The following MYO16 variants were observed in gnomAD, a reference collection of about 807,000 sequenced individuals.
MYO16 encodes myosin XVI, also known as unconventional myosin-XVI.
A neutral mutation model predicts 205.3 loss-of-function variants in MYO16; 94 were observed. That is an observed-to-expected ratio of 0.46 (90% CI 0.39 to 0.54). The LOEUF (loss-of-function observed/expected upper bound fraction) is 0.54, where lower values mean the gene tolerates loss of function less well. Among genes scored for constraint, MYO16 ranks in the 20% least tolerant of loss-of-function variants. MYO16 has a pLI of 0.00. For synonymous variants in MYO16, 988 were observed against 954.0 expected, an observed-to-expected ratio of 1.04 and a Z score of -0.66; for missense variants, 2,315 against 2,387.5, an observed-to-expected ratio of 0.97 and a Z score of 0.63.
chr13:108,880,239 T>G (rs1346361663), intron 12 of MYO16, among the ~76,000 whole-genome samples: 1 of 152,238 alleles, frequency 6.6e-6, no homozygotes, highest in Non-Finnish European at 1.5e-5. Context: ...TTTGTTTGAA[T>G]TCTTTGTAGA....
At chr13:108,695,128 T>C (rs72664997) in intron 2 of MYO16, among the ~76,000 whole-genome samples, 4,944 of 152,250 alleles carry the variant, frequency 0.032, 137 homozygotes, top group Non-Finnish European at 0.047. Flanking sequence ...ACAAACAAAC[T>C]AAAAACAGAG....
chr13:108,959,229 TAGTTTTTCTCC>T (rs1169733119), intron 17 of MYO16, among the ~76,000 whole-genome samples: 1 of 3,852 alleles, frequency 2.6e-4, no homozygotes, highest in Non-Finnish European at 1.2e-3. Context: ...TTTTCTCCTT[TAGTTTTTCTCC>T]TTTACTGAGT....
At chr13:109,114,733 T>G (rs1338461995) in intron 28 of MYO16, among the ~76,000 whole-genome samples, 1 of 152,222 alleles carries the variant, frequency 6.6e-6, no homozygotes, top group Non-Finnish European at 1.5e-5. Context: ...GTTGTTTTAA[T>G]TGACGTGTCC....
rs904302840 is a variant in MYO16 at position 108,941,619 on chromosome 13, G to A, written c.1926-16069G>A. ...TTGAACCTGGGAGGCAGAGTTTGTA[G>A]TGAGCCAAAATCGCACCACTGCACT... On this transcript the variant is annotated intron_variant, in intron 16 of 34. Transcript: ENST00000457511. Among the ~76,000 whole-genome samples, 7 of 145,908 alleles carry A rather than the reference G, an allele frequency of 4.8e-5. No homozygotes were observed. The Admixed American group carries it at 4.9e-4, about 10-fold the overall frequency.
intron 2 of MYO16, among the ~76,000 whole-genome samples, chr13:108,676,977 G>T (rs1174731736): frequency 6.6e-6 from 1 of 152,134 alleles, no homozygotes; most frequent in African/African-American, 2.4e-5. Context: ...CGAATTCCTT[G>T]AAGTGTAATC....
At chr13:108,786,782 C>G (rs952905313) in intron 5 of MYO16, among the ~76,000 whole-genome samples, 1 of 152,178 alleles carries the variant, frequency 6.6e-6, no homozygotes, top group South Asian at 2.1e-4. Flanking sequence ...ACATCGTCAC[C>G]AAGTGGGGGT....
intron 16 of MYO16, among the ~76,000 whole-genome samples, chr13:108,921,754 T>C (rs1419485693): frequency 6.6e-6 from 1 of 152,210 alleles, no homozygotes; most frequent in African/African-American, 2.4e-5. Context: ...GCAGGCTTAT[T>C]AGTTGAAGGC....
At chr13:108,657,291 T>C (rs1594182232) in intron 1 of MYO16, among the ~76,000 whole-genome samples, 1 of 152,334 alleles carries the variant, frequency 6.6e-6, no homozygotes, top group African/African-American at 2.4e-5. Context: ...GTTCCACTGG[T>C]CTAAGTGTCT....
intron 6 of MYO16, among the ~76,000 whole-genome samples, chr13:108,799,742 T>C (rs1886912033): frequency 6.6e-6 from 1 of 152,288 alleles, no homozygotes; most frequent in Non-Finnish European, 1.5e-5. Context: ...TTAAATCCAT[T>C]CCCAACTTAG....
At chr13:109,105,594 T>C (rs1889101756) in intron 28 of MYO16, among the ~76,000 whole-genome samples, 1 of 152,212 alleles carries the variant, frequency 6.6e-6, no homozygotes, top group Non-Finnish European at 1.5e-5. Flanking sequence ...AATTCTATAA[T>C]TAAAAATAAT....
intron 16 of MYO16, among the ~76,000 whole-genome samples, chr13:108,917,995 A>T (rs1378857729): frequency 6.6e-6 from 1 of 152,220 alleles, no homozygotes; most frequent in African/African-American, 2.4e-5. Flanking sequence ...TTGCTTTGTT[A>T]ACTAACCAGC....
At chr13:109,095,253 G>A (rs988757153) in intron 27 of MYO16, among the ~76,000 whole-genome samples, 2 of 152,206 alleles carry the variant, frequency 1.3e-5, no homozygotes, top group South Asian at 2.1e-4. Flanking sequence ...GGATTGAGGC[G>A]ACCTGTGTGT....
At chr13:109,017,125 G>C (rs1020892994) in intron 22 of MYO16, among the ~76,000 whole-genome samples, 13 of 152,112 alleles carry the variant, frequency 8.5e-5, no homozygotes, top group Non-Finnish European at 1.5e-5. Flanking sequence ...TCCATGTTTA[G>C]TGCTTCCTTC....
chr13:108,735,595 A>G (rs943638823), intron 4 of MYO16, among the ~76,000 whole-genome samples: 1 of 150,786 alleles, frequency 6.6e-6, no homozygotes, highest in Non-Finnish European at 1.5e-5. Context: ...TAGTGCTGCA[A>G]TAAACATACG....
intron 32 of MYO16, among the ~76,000 whole-genome samples, chr13:109,160,752 G>A (rs991102062): frequency 6.6e-6 from 1 of 152,166 alleles, no homozygotes; most frequent in Admixed American, 6.5e-5. Context: ...ACTGCTTGAA[G>A]GCATGAAAAG....
At chr13:108,589,746 A>G in the MYO16 span, among the ~76,000 whole-genome samples, 3 of 152,258 alleles carry the variant, frequency 2.0e-5, no homozygotes, top group East Asian at 3.9e-4. Flanking sequence ...AATCTATTTG[A>G]AAATTTAGAG....
intron 27 of MYO16, among the ~76,000 whole-genome samples, chr13:109,077,229 A>C (rs976404164): frequency 1.1e-4 from 16 of 152,164 alleles, no homozygotes; most frequent in Non-Finnish European, 2.4e-4. Flanking sequence ...GATGTTGGCC[A>C]GGATGGTCTT....
chr13:108,832,519 G>A (rs1876676567), intron 9 of MYO16, among the ~76,000 whole-genome samples: 1 of 151,906 alleles, frequency 6.6e-6, no homozygotes, highest in South Asian at 2.1e-4. Flanking sequence ...GGCCATAGGT[G>A]CCCATTTGGT....
At chr13:108,746,701 G>T (rs909852495) in intron 4 of MYO16, among the ~76,000 whole-genome samples, 1 of 151,918 alleles carries the variant, frequency 6.6e-6, no homozygotes, top group Admixed American at 6.6e-5. Context: ...AAAGAAAAGG[G>T]CGGAAGACAT....
Sources: allele counts gnomAD v4.1 joint callset (sites outside exome capture counted in the v4.1 genomes callset), GRCh38; gene constraint gnomAD v4.1.1; transcripts MANE v1.5; gene names NCBI Gene and HGNC (gene_info 2026-07-23, HGNC 2026-07-21).